Variants in NF1 observed in about 807,000 individuals in gnomAD.
NF1 encodes the protein neurofibromin.
In NF1, 122 loss-of-function variants were observed where a neutral mutation model predicts 325.7. The ratio of observed to expected loss-of-function variants is 0.37; its 90% CI spans 0.32 to 0.44. The LOEUF is 0.44. Ranked by LOEUF, NF1 falls within the 20% of genes least tolerant of loss-of-function variation. NF1 has a pLI of 1.00. For synonymous variants in NF1, 1,091 were observed against 1,186.0 expected (o/e 0.92, Z 1.65); for missense variants, 2,140 against 3,415.4 (o/e 0.63, Z 9.31).
chr17:31,350,385 G>C, intron 50 of NF1, 67 bp downstream of exon 50: 1 of 1,372,594 alleles, frequency 7.3e-7, no homozygotes, highest in Middle Eastern at 1.8e-4. Flanking sequence ...ACTAATGGAG[G>C]CAAGCAGCAG....
intron 36 of NF1, among the ~76,000 whole-genome samples, chr17:31,289,517 C>T (rs1440770854): frequency 1.3e-5 from 2 of 152,142 alleles, no homozygotes; most frequent in East Asian, 3.8e-4. Flanking sequence ...TATGCTTGGT[C>T]TACAGTGTTA....
At chr17:31,351,221 AT>A (rs1157279660) in intron 50 of NF1, among the ~76,000 whole-genome samples, 2 of 111,648 alleles carry the variant, frequency 1.8e-5, no homozygotes, top group African/African-American at 2.5e-5. Context: ...ATTTTTTCTG[AT>A]TTAAAAAAAA....
intron 36 of NF1, among the ~76,000 whole-genome samples, chr17:31,323,549 C>A (rs925693589): frequency 1.3e-5 from 2 of 152,134 alleles, no homozygotes; most frequent in African/African-American, 4.8e-5. Context: ...AAATGGTGAG[C>A]CCCTAGTAGA....
intron 36 of NF1, among the ~76,000 whole-genome samples, chr17:31,311,195 C>T (rs906383805): frequency 4.6e-5 from 7 of 152,046 alleles, no homozygotes; most frequent in Non-Finnish European, 8.8e-5. Flanking sequence ...TCAAGTGACC[C>T]ACCCACCTTG....
Position 31,203,663 on chromosome 17 carries a change from A to G in NF1, c.1260+2178A>G, listed in dbSNP as rs116487091. 2.2e-3 allele frequency among the ~76,000 whole-genome samples: 332 copies of G among 152,262 alleles called. 1 individual carries two copies. Among genetic ancestry groups the G allele is most frequent in the African/African-American group, 7.5e-3 (313 of 41,574 alleles). The stretch of plus-strand genomic sequence containing the variant: ...AAATCACATGAAATTATTCTTAGAT[A>G]TTTGGACTTCTGATCTTAAATTCAT... On this transcript the variant is annotated intron_variant, in intron 11 of 57. Coordinates refer to ENST00000358273, the MANE Select transcript of NF1 (RefSeq NM_001042492.3).
intron 56 of NF1, 54 bp downstream of exon 56, chr17:31,359,069 A>G: frequency 1.4e-6 from 2 of 1,389,398 alleles, no homozygotes; most frequent in Middle Eastern, 1.9e-4. Flanking sequence ...TTCTGTTCAA[A>G]TTAGTATGCC....
At chr17:31,179,352 A>G (rs1255284036) in intron 5 of NF1, among the ~76,000 whole-genome samples, 2 of 152,220 alleles carry the variant, frequency 1.3e-5, no homozygotes, top group Non-Finnish European at 2.9e-5. Flanking sequence ...TCTGGGATAC[A>G]TTTATAGCAG....
intron 29 of NF1, 84 bp downstream of exon 29, chr17:31,236,105 GCACC>G: frequency 1.1e-6 from 1 of 948,152 alleles, no homozygotes. Context: ...ATGAAGCAAG[GCACC>G]TTCTCCCCTT....
intron 37 of NF1, among the ~76,000 whole-genome samples, 188 bp downstream of exon 37, chr17:31,326,440 G>C (rs1204926681): frequency 6.6e-6 from 1 of 152,112 alleles, no homozygotes; most frequent in African/African-American, 2.4e-5. Context: ...GTGAGGTCAG[G>C]AGTTCAAGAC....
intron 50 of NF1, among the ~76,000 whole-genome samples, chr17:31,351,340 A>G (rs1439879738): frequency 6.6e-6 from 1 of 152,210 alleles, no homozygotes; most frequent in African/African-American, 2.4e-5. Context: ...CAAAAGATAA[A>G]TATATGAGGT....
intron 51 of NF1, chr17:31,356,167 T>G (rs2070265302): frequency 6.1e-6 from 2 of 327,630 alleles, no homozygotes; most frequent in Non-Finnish European, 1.2e-5. Flanking sequence ...GTTATCATAT[T>G]TGTTGATTTA....
At chr17:31,119,460 G>GT (rs1465831306) in intron 1 of NF1, among the ~76,000 whole-genome samples, 17 of 150,746 alleles carry the variant, frequency 1.1e-4, no homozygotes, top group African/African-American at 4.1e-4. Flanking sequence ...CTTTTTGATG[G>GT]GTTTTTTTTT....
At chr17:31,228,918 C>A in intron 20 of NF1, 107 bp from the exon 21 acceptor site, 1 of 845,990 alleles carries the variant, frequency 1.2e-6, no homozygotes, top group Non-Finnish European at 1.8e-6. Flanking sequence ...GTATATTTTA[C>A]ATTTTTTGTA....
chr17:31,236,221 G>A (rs1263564453), intron 29 of NF1, among the ~76,000 whole-genome samples, 200 bp downstream of exon 29: 1 of 151,758 alleles, frequency 6.6e-6, no homozygotes, highest in East Asian at 1.9e-4. Context: ...ATTTGCCTTA[G>A]ATCCAGGGAC....
chr17:31,239,462 T>G (rs902644577), intron 29 of NF1, among the ~76,000 whole-genome samples: 1 of 150,596 alleles, frequency 6.6e-6, no homozygotes, highest in African/African-American at 2.5e-5. Context: ...TTAGCAGTGT[T>G]AAATGTATGT....
intron 3 of NF1, among the ~76,000 whole-genome samples, chr17:31,160,085 G>A (rs1286773276): frequency 6.6e-6 from 1 of 152,030 alleles, no homozygotes; most frequent in Non-Finnish European, 1.5e-5. Flanking sequence ...AGCATAATAT[G>A]TATATATATT....
Position 31,154,395 on chromosome 17 carries a change from C to T in NF1, c.61-1588C>T, listed in dbSNP as rs184647734. Among the ~76,000 whole-genome samples, 6 of 152,096 alleles carry T rather than the reference C, an allele frequency of 3.9e-5. No homozygotes were observed. The East Asian group carries it at 1.2e-3, about 29-fold the overall frequency. On this transcript the variant is annotated intron_variant, in intron 1 of 57. Coordinates refer to ENST00000358273, the MANE Select transcript of NF1 (RefSeq NM_001042492.3). Reference sequence around the variant, plus strand: ...TTATGGGATACTTAGGGAGATTCACCAGCTGCATTTTATGAAACCCTAGTT... The same window carrying T: ...TTATGGGATACTTAGGGAGATTCACTAGCTGCATTTTATGAAACCCTAGTT...
At chr17:31,213,240 C>T (rs2066760078) in intron 12 of NF1, among the ~76,000 whole-genome samples, 1 of 152,118 alleles carries the variant, frequency 6.6e-6, no homozygotes, top group Non-Finnish European at 1.5e-5. Context: ...AAAACATTTG[C>T]TTTGGGGTCA....
At chr17:31,200,726 C>A (rs373690072) in intron 9 of NF1, 131 bp downstream of exon 9, 15 of 1,080,584 alleles carry the variant, frequency 1.4e-5, no homozygotes, top group South Asian at 1.2e-4. Flanking sequence ...ATAGGACTTG[C>A]TTTTGTTGTT....
Sources: gnomAD v4.1 joint callset for allele counts (sites outside exome capture counted in the v4.1 genomes callset) on GRCh38, gnomAD v4.1.1 for gene constraint, MANE v1.5 for transcripts, NCBI Gene and HGNC (gene_info 2026-07-23, HGNC 2026-07-21) for gene names.